Variants in PDK1 observed in about 807,000 individuals in gnomAD.
The protein encoded by PDK1 is pyruvate dehydrogenase kinase 1, also known as [Pyruvate dehydrogenase (acetyl-transferring)] kinase isozyme 1, mitochondrial.
PDK1 carries 39 observed loss-of-function variants against 54.2 expected under a neutral mutation model. That is an observed-to-expected ratio of 0.72 (90% CI 0.56 to 0.94). The LOEUF (loss-of-function observed/expected upper bound fraction) is 0.94, where lower values mean the gene tolerates loss of function less well. Among genes scored for constraint, PDK1 ranks in the 40% least tolerant of loss-of-function variants. The pLI, the probability that PDK1 is intolerant of heterozygous loss-of-function variation, is 0.00. For synonymous variants in PDK1, 221 were observed against 207.1 expected, an observed-to-expected ratio of 1.07 and a Z score of -0.58; for missense variants, 552 against 566.0, an observed-to-expected ratio of 0.98 and a Z score of 0.25.
At chr2:172,676,383 A>G in the PDK1 span, among the ~76,000 whole-genome samples, 1 of 152,212 alleles carries the variant, frequency 6.6e-6, no homozygotes, top group African/African-American at 2.4e-5. Context: ...TAAGAACGTT[A>G]GTGATTCATG....
At chr2:172,721,724 T>C in the PDK1 span, among the ~76,000 whole-genome samples, 1 of 152,312 alleles carries the variant, frequency 6.6e-6, no homozygotes, top group Admixed American at 6.5e-5. Flanking sequence ...ATTTTCACTA[T>C]CCAAAATTTC....
the PDK1 span, among the ~76,000 whole-genome samples, chr2:172,622,525 A>C: frequency 2.8e-5 from 4 of 141,584 alleles, no homozygotes; most frequent in Non-Finnish European, 6.2e-5. Context: ...TGTTTATATC[A>C]TATATTATGT....
At chr2:172,639,636 T>C in the PDK1 span, among the ~76,000 whole-genome samples, 1 of 152,200 alleles carries the variant, frequency 6.6e-6, no homozygotes. Flanking sequence ...TGCTATATGC[T>C]ATGGTTTGAA....
At chr2:172,626,198 T>G in the PDK1 span, among the ~76,000 whole-genome samples, 2 of 152,250 alleles carry the variant, frequency 1.3e-5, no homozygotes, top group Admixed American at 1.3e-4. Context: ...GATTAGTTGC[T>G]GAGGCTCATT....
At chr2:172,686,845 A>G in the PDK1 span, among the ~76,000 whole-genome samples, 1 of 152,194 alleles carries the variant, frequency 6.6e-6, no homozygotes, top group Admixed American at 6.5e-5. Flanking sequence ...CTATCTATAT[A>G]TCTACCTATC....
At position 172,604,089 on chromosome 2, in the gene PDK1, G is replaced by A. The variant is rs1449096080; in HGVS notation, c.*8120G>A. ...GAACATGGCGTATATCTTTTTTGGC[G>A]GGGGGTGAGGACAGAGTCTTGCTCT... is the stretch of plus-strand genomic sequence containing the variant. On this transcript the variant is annotated 3_prime_UTR_variant, in exon 11 of 11. Transcript: ENST00000282077. 7.2e-5 allele frequency: 11 copies of A among 151,968 alleles called. No individual in the cohort carries two copies. The highest frequency in any genetic ancestry group is 9.7e-5 in the African/African-American group (4 of 41,382). The allele number at this position is 151,968 out of a possible 1,614,324, so 9.4% of individuals were successfully genotyped here.
At chr2:172,629,085 A>G in the PDK1 span, among the ~76,000 whole-genome samples, 2 of 152,294 alleles carry the variant, frequency 1.3e-5, no homozygotes, top group South Asian at 4.1e-4. Context: ...AGCCTTCATC[A>G]TACCACTGTA....
At chr2:172,627,520 C>A in the PDK1 span, among the ~76,000 whole-genome samples, 2 of 152,154 alleles carry the variant, frequency 1.3e-5, no homozygotes, top group Admixed American at 1.3e-4. Flanking sequence ...CATACATAGT[C>A]CTTAAAAGAT....
chr2:172,716,136 T>G, the PDK1 span, among the ~76,000 whole-genome samples: 1 of 152,246 alleles, frequency 6.6e-6, no homozygotes, highest in Non-Finnish European at 1.5e-5. Flanking sequence ...TTTGAGATTT[T>G]GAAAATGTTA....
Position 172,605,711 on chromosome 2 carries a change from A to G in PDK1, c.*9742A>G, listed in dbSNP as rs1691269726. On this transcript the variant is annotated 3_prime_UTR_variant, in exon 11 of 11. Transcript: ENST00000282077. ...CTTGAGTCGGCACTGAGCTCATGAA[A>G]GCTGTGCTGAGTGGGTTTCTTTAGA... 6.6e-6 allele frequency: 1 copy of G among 152,124 alleles called. No homozygotes were observed. Among genetic ancestry groups the G allele is most frequent in the Non-Finnish European group, 1.5e-5 (1 of 68,024 alleles). 9.4% of individuals were successfully genotyped at this position (152,124 alleles called of 1,614,324 possible). A position where few individuals can be genotyped will look rare whatever the true frequency, so the allele number is the denominator to read the frequency against.
At chr2:172,582,747 ACT>A (rs1240934856) in intron 8 of PDK1, among the ~76,000 whole-genome samples, 1 of 151,172 alleles carries the variant, frequency 6.6e-6, no homozygotes, top group Non-Finnish European at 1.5e-5. Context: ...TCTTTTGGAA[ACT>A]CTTTTGCCTA....
In PDK1 at chr2:172,606,716, T is replaced by C. The variant is rs1381455296; in HGVS notation, c.*10747T>C. 1 of 150,278 alleles carries C rather than the reference T, an allele frequency of 6.7e-6. No homozygotes were observed. The highest frequency in any genetic ancestry group is 1.5e-5 in the Non-Finnish European group (1 of 67,820). The allele number at this position is 150,278 out of a possible 1,614,324, so 9.3% of individuals were successfully genotyped here. ...GGTAGCAGAGAGAATGGTGGTAGTTTATTTTTTCTTTCCTTTTTTTTTTAA... is the reference window on the plus strand; with the variant it reads ...GGTAGCAGAGAGAATGGTGGTAGTTCATTTTTTCTTTCCTTTTTTTTTTAA... On this transcript the variant is annotated 3_prime_UTR_variant, in exon 11 of 11. Coordinates refer to ENST00000282077, the MANE Select transcript of PDK1 (RefSeq NM_002610.5).
chr2:172,599,932 T>C lies in PDK1; in HGVS notation c.*3963T>C, dbSNP rs903481644. The C allele has an allele frequency of 1.3e-5, 2 of 152,206 alleles. No homozygotes were observed. The highest frequency in any genetic ancestry group is 1.3e-4 in the Admixed American group (2 of 15,268). 9.4% of individuals were successfully genotyped at this position (152,206 alleles called of 1,614,324 possible). ...TAAATTAGCAATTATTTAGCAAAAA[T>C]ACAGAGTTTCACCCCAGTAAAATAA... On this transcript the variant is annotated 3_prime_UTR_variant, in exon 11 of 11. Coordinates refer to ENST00000282077, the MANE Select transcript of PDK1 (RefSeq NM_002610.5).
At chr2:172,645,028 T>C in the PDK1 span, among the ~76,000 whole-genome samples, 1 of 151,564 alleles carries the variant, frequency 6.6e-6, no homozygotes, top group Non-Finnish European at 1.5e-5. Flanking sequence ...GGTGGTGTGC[T>C]GGAACTAGCT....
At chr2:172,654,697 C>G in the PDK1 span, among the ~76,000 whole-genome samples, 1 of 152,146 alleles carries the variant, frequency 6.6e-6, no homozygotes, top group African/African-American at 2.4e-5. Flanking sequence ...CAACATGGCA[C>G]ATGTATACAT....
chr2:172,590,097 C>T lies in PDK1; in HGVS notation c.1057-2838C>T, dbSNP rs78441338. 5.9e-3 allele frequency among the ~76,000 whole-genome samples: 902 copies of T among 152,088 alleles called. 9 individuals are homozygous for T. Among genetic ancestry groups the T allele is most frequent in the African/African-American group, 0.02 (832 of 41,484 alleles). ...AAGATTTTTAAGTGGAAAAGTGACCCGTCAGTGAGAATTAAGAAAGTAGAT... is the reference window on the plus strand; with the variant it reads ...AAGATTTTTAAGTGGAAAAGTGACCTGTCAGTGAGAATTAAGAAAGTAGAT... On this transcript the variant is annotated intron_variant, in intron 9 of 10. Coordinates refer to ENST00000282077, the MANE Select transcript of PDK1 (RefSeq NM_002610.5).
chr2:172,708,511 G>A, the PDK1 span, among the ~76,000 whole-genome samples: 3 of 152,134 alleles, frequency 2.0e-5, no homozygotes, highest in Non-Finnish European at 2.9e-5. Flanking sequence ...AGTTTCTCAC[G>A]AAATAATGAC....
chr2:172,711,559 A>C, the PDK1 span, among the ~76,000 whole-genome samples: 1 of 152,196 alleles, frequency 6.6e-6, no homozygotes, highest in African/African-American at 2.4e-5. Context: ...AAATTTATAG[A>C]AGGCTGTCAA....
intron 1 of PDK1, among the ~76,000 whole-genome samples, chr2:172,557,940 A>AT (rs879412226): frequency 6.6e-6 from 1 of 151,844 alleles, no homozygotes; most frequent in Admixed American, 6.6e-5. Context: ...GTAACCTCAA[A>AT]TTTCAGCCTG....
Sources: allele counts gnomAD v4.1 joint callset (sites outside exome capture counted in the v4.1 genomes callset), GRCh38; gene constraint gnomAD v4.1.1; transcripts MANE v1.5; gene names NCBI Gene and HGNC (gene_info 2026-07-23, HGNC 2026-07-21).